The following COG5 variants were observed in gnomAD, a reference collection of about 807,000 sequenced individuals.
COG5 encodes component of oligomeric golgi complex 5.
In COG5, 86 loss-of-function variants were observed where a neutral mutation model predicts 110.4. That is an observed-to-expected ratio of 0.78 (90% CI 0.65 to 0.93). The LOEUF (loss-of-function observed/expected upper bound fraction) is 0.93, where lower values mean the gene tolerates loss of function less well. Among genes scored for constraint, COG5 ranks in the 40% least tolerant of loss-of-function variants. The pLI is 0.00. For missense variants in COG5, 1,077 were observed against 987.0 expected (o/e 1.09, Z -1.22); for synonymous variants, 360 against 334.6 (o/e 1.08, Z -0.83).
intron 10 of COG5, among the ~76,000 whole-genome samples, chr7:107,328,342 C>A (rs547077865): frequency 3.0e-3 from 459 of 152,310 alleles, no homozygotes; most frequent in Middle Eastern, 0.014. Context: ...TACAGTACTA[C>A]AGTCTTATGA....
chr7:107,230,612 T>C lies in COG5; in HGVS notation c.2168+3A>G, dbSNP rs1031705451. ...AATGTATGAACAAAGAATTCGGTCTTACCTGAATGATCTCAGCATCCGATA... is the reference window on the plus strand; with the variant it reads ...AATGTATGAACAAAGAATTCGGTCTCACCTGAATGATCTCAGCATCCGATA... On this transcript the variant is annotated splice_donor_region_variant and intron_variant, in intron 19 of 21. Coordinates refer to ENST00000297135, the MANE Select transcript of COG5 (RefSeq NM_006348.5). The C allele has an allele frequency of 1.2e-6, 2 of 1,606,256 alleles. No individual in the cohort carries two copies. Among genetic ancestry groups the C allele is most frequent in the Middle Eastern group, 1.6e-4 (1 of 6,066 alleles).
chr7:107,234,769 T>G (rs149505081), intron 18 of COG5, among the ~76,000 whole-genome samples: 1 of 152,058 alleles, frequency 6.6e-6, no homozygotes, highest in East Asian at 1.9e-4. Flanking sequence ...CATCTGAGTA[T>G]AGTTCACACT....
chr7:107,242,927 G>A (rs765648355), intron 17 of COG5, among the ~76,000 whole-genome samples: 1 of 152,050 alleles, frequency 6.6e-6, no homozygotes, highest in African/African-American at 2.4e-5. Context: ...TCCGATTTGG[G>A]GAAGGAACAC....
chr7:107,221,164 G>A (rs960060500), intron 19 of COG5, among the ~76,000 whole-genome samples: 1 of 151,880 alleles, frequency 6.6e-6, no homozygotes, highest in Non-Finnish European at 1.5e-5. Context: ...GTGTTCAGCA[G>A]TACATTGGTC....
intron 10 of COG5, among the ~76,000 whole-genome samples, chr7:107,332,792 AG>A (rs1810376796): frequency 6.6e-6 from 1 of 152,196 alleles, no homozygotes; most frequent in African/African-American, 2.4e-5. Flanking sequence ...AAGAAAATAA[AG>A]GACTCAGGTT....
At chr7:107,439,292 C>A (rs1794565942) in intron 6 of COG5, among the ~76,000 whole-genome samples, 1 of 151,498 alleles carries the variant, frequency 6.6e-6, no homozygotes, top group African/African-American at 2.4e-5. Flanking sequence ...AAAAAAAAAT[C>A]TTTGAAATTT....
chr7:107,449,375 G>A lies in COG5; in HGVS notation c.539-36743C>T, dbSNP rs540859795. ...GTAAAAGAAAAAAGAAAAATTAACT[G>A]TAGTTCATACTGTACTACTGTAACA... On this transcript the variant is annotated intron_variant, in intron 6 of 21. Transcript: ENST00000297135. 5.9e-5 allele frequency among the ~76,000 whole-genome samples: 9 copies of A among 152,270 alleles called. No individual in the cohort carries two copies. In the South Asian group the frequency reaches 1.7e-3, roughly 28 times the overall value.
intron 6 of COG5, among the ~76,000 whole-genome samples, chr7:107,447,514 G>A (rs1377306126): frequency 6.6e-6 from 1 of 152,142 alleles, no homozygotes; most frequent in Non-Finnish European, 1.5e-5. Flanking sequence ...AAAGTGTCCT[G>A]AAGTTATTAA....
At chr7:107,314,582 C>CA (rs764317288) in intron 11 of COG5, among the ~76,000 whole-genome samples, 5,641 of 54,992 alleles carry the variant, frequency 0.1, 486 homozygotes, top group African/African-American at 0.22. Context: ...ATCTCTACTA[C>CA]AAAAAAAAAA....
intron 7 of COG5, among the ~76,000 whole-genome samples, chr7:107,394,054 C>G (rs553915953): frequency 1.4e-4 from 21 of 152,052 alleles, no homozygotes; most frequent in African/African-American, 4.8e-4. Context: ...CTCCACCTCC[C>G]AGGTTCACGC....
At chr7:107,542,734 C>G (rs1181255413) in intron 5 of COG5, among the ~76,000 whole-genome samples, 1 of 152,032 alleles carries the variant, frequency 6.6e-6, no homozygotes, top group Non-Finnish European at 1.5e-5. Flanking sequence ...CTTTGGGAGG[C>G]CGAGGCAGGT....
chr7:107,273,975 G>T (rs927256018), intron 14 of COG5, among the ~76,000 whole-genome samples: 7 of 152,152 alleles, frequency 4.6e-5, no homozygotes, highest in Admixed American at 4.6e-4. Context: ...AAAGTCTTTT[G>T]ATTTTTATAG....
chr7:107,267,422 C>A (rs1803890557), intron 14 of COG5, among the ~76,000 whole-genome samples: 1 of 152,154 alleles, frequency 6.6e-6, no homozygotes, highest in Non-Finnish European at 1.5e-5. Context: ...GACCTAAACA[C>A]TGGCCTTGTT....
At chr7:107,272,096 A>G (rs1291021784) in intron 14 of COG5, among the ~76,000 whole-genome samples, 2 of 152,130 alleles carry the variant, frequency 1.3e-5, no homozygotes, top group Admixed American at 1.3e-4. Context: ...CTATTAGAGC[A>G]TTTTCCCAGA....
intron 10 of COG5, among the ~76,000 whole-genome samples, chr7:107,360,009 C>T (rs899636010): frequency 1.3e-5 from 2 of 151,976 alleles, no homozygotes; most frequent in African/African-American, 4.8e-5. Flanking sequence ...GCTAACCACT[C>T]GAGGTCTCCT....
At chr7:107,372,470 C>G in intron 8 of COG5, 125 bp downstream of exon 8, 1 of 909,990 alleles carries the variant, frequency 1.1e-6, no homozygotes, top group Non-Finnish European at 1.7e-6. Flanking sequence ...AATTTCTTCT[C>G]TCATTTTCTG....
chr7:107,369,577 G>C (rs916879749), intron 8 of COG5, among the ~76,000 whole-genome samples: 7 of 151,630 alleles, frequency 4.6e-5, no homozygotes, highest in Admixed American at 3.3e-4. Context: ...TTAGTAGAGA[G>C]GGGGTTTTAC....
At position 107,558,230 on chromosome 7, in the gene COG5, A is replaced by G. The variant is rs1584965716; in HGVS notation, c.95-115T>C. 4 of 920,466 alleles carry G rather than the reference A, an allele frequency of 4.3e-6. No homozygotes were observed. The East Asian group carries it at 1.0e-4, about 24-fold the overall frequency. 57.0% of individuals were successfully genotyped at this position (920,466 alleles called of 1,614,324 possible). ...ATATTTTGATCCCATACTCTGAACC[A>G]CTCCACTATACTGCTTAATGCTTAC... On this transcript the variant is annotated intron_variant, in intron 1 of 21. Coordinates refer to ENST00000297135, the MANE Select transcript of COG5 (RefSeq NM_006348.5).
At chr7:107,250,792 G>C (rs9969363) in intron 16 of COG5, among the ~76,000 whole-genome samples, 5,202 of 152,130 alleles carry the variant, frequency 0.034, 309 homozygotes, top group African/African-American at 0.12. Context: ...GATGACCAAG[G>C]AAAGAGTCAA....
Sources: allele counts gnomAD v4.1 joint callset (sites outside exome capture counted in the v4.1 genomes callset), GRCh38; gene constraint gnomAD v4.1.1; transcripts MANE v1.5; gene names NCBI Gene and HGNC (gene_info 2026-07-23, HGNC 2026-07-21).